The following RYR3 variants were observed in gnomAD, a reference collection of about 807,000 sequenced individuals.
RYR3 encodes the protein brain ryanodine receptor-calcium release channel.
In RYR3, 207 loss-of-function variants were observed where a neutral mutation model predicts 584.3. The observed-to-expected ratio is 0.35, with a 90% CI of 0.32 to 0.40. The LOEUF (loss-of-function observed/expected upper bound fraction) is 0.40, where lower values mean the gene tolerates loss of function less well. Among genes scored for constraint, RYR3 ranks in the 10% least tolerant of loss-of-function variants. The pLI, the probability that RYR3 is intolerant of heterozygous loss-of-function variation, is 1.00. For synonymous variants in RYR3, 2,416 were observed against 2,248.5 expected (o/e 1.07, Z -2.11); for missense variants, 5,616 against 6,089.2 (o/e 0.92, Z 2.59).
chr15:33,743,017 A>G (rs570403907), intron 52 of RYR3, among the ~76,000 whole-genome samples: 5 of 152,162 alleles, frequency 3.3e-5, no homozygotes, highest in Non-Finnish European at 5.9e-5. Context: ...TCAACCCTTT[A>G]ACACTGGCAG....
intron 15 of RYR3, among the ~76,000 whole-genome samples, 165 bp downstream of exon 15, chr15:33,584,655 C>T (rs191259276): frequency 3.9e-5 from 6 of 152,104 alleles, no homozygotes; most frequent in East Asian, 1.9e-4. Flanking sequence ...GGCACCTGTA[C>T]GACTTTATTT....
intron 10 of RYR3, among the ~76,000 whole-genome samples, chr15:33,557,876 A>G (rs2057168433): frequency 1.3e-5 from 2 of 152,226 alleles, no homozygotes; most frequent in Admixed American, 1.3e-4. Flanking sequence ...TTGGAGGCAG[A>G]GGATAATGAT....
In RYR3 at chr15:33,482,080, T is replaced by C. The variant is rs527345828; in HGVS notation, c.171+8542T>C. On this transcript the variant is annotated intron_variant, in intron 2 of 103. Coordinates refer to ENST00000634891, the MANE Select transcript of RYR3 (RefSeq NM_001036.6). ...TCCAGATTTCTATCTGGTAGCATTT[T>C]CCTTCAACCTGAAGGATATTCCTTA... is the stretch of plus-strand genomic sequence containing the variant. Among the ~76,000 whole-genome samples the C allele has an allele frequency of 3.9e-5, 6 of 152,268 alleles. No homozygotes were observed. The East Asian group carries it at 1.2e-3, about 29-fold the overall frequency.
chr15:33,501,366 G>A (rs748707098), intron 2 of RYR3, among the ~76,000 whole-genome samples: 2 of 152,210 alleles, frequency 1.3e-5, no homozygotes, highest in South Asian at 2.1e-4. Context: ...ATGATGTCAT[G>A]TAAGGGCAGA....
At chr15:33,813,622 G>A in intron 74 of RYR3, 43 bp downstream of exon 74, 1 of 1,436,156 alleles carries the variant, frequency 7.0e-7, no homozygotes, top group Non-Finnish European at 9.8e-7. Context: ...GCCAGCGATG[G>A]GAATGGAGGT....
intron 43 of RYR3, among the ~76,000 whole-genome samples, chr15:33,712,193 C>G (rs1054876221): frequency 3.3e-5 from 5 of 152,174 alleles, no homozygotes; most frequent in African/African-American, 1.2e-4. Flanking sequence ...TAAGAACTCA[C>G]TGTTGTGAAG....
intron 26 of RYR3, 87 bp downstream of exon 26, chr15:33,635,906 T>C: frequency 7.6e-6 from 9 of 1,185,494 alleles, no homozygotes; most frequent in Non-Finnish European, 1.1e-5. Context: ...TTACTGGATC[T>C]CTGGCTTCAA....
At chr15:33,631,157 G>T in intron 22 of RYR3, 53 bp from the exon 23 acceptor site, 1 of 1,111,642 alleles carries the variant, frequency 9.0e-7, no homozygotes, top group African/African-American at 1.6e-5. Flanking sequence ...TAGGGTTCCT[G>T]CTGTTCCTAA....
chr15:33,384,462 T>C (rs1480226588), intron 1 of RYR3, among the ~76,000 whole-genome samples: 2 of 130,842 alleles, frequency 1.5e-5, no homozygotes, highest in African/African-American at 5.6e-5. Flanking sequence ...ATTATAATAT[T>C]ATATTATAAT....
At chr15:33,756,970 T>C (rs2071901696) in intron 59 of RYR3, among the ~76,000 whole-genome samples, 1 of 152,116 alleles carries the variant, frequency 6.6e-6, no homozygotes, top group Admixed American at 6.5e-5. Flanking sequence ...CCTGGGTGGC[T>C]CTCTATCCAG....
At chr15:33,635,493 G>A (rs1465721313) in intron 25 of RYR3, 121 bp from the exon 26 acceptor site, 2 of 712,466 alleles carry the variant, frequency 2.8e-6, no homozygotes, top group Admixed American at 2.1e-5. Context: ...GATAGTAGTC[G>A]ACCTATGGTC....
intron 1 of RYR3, among the ~76,000 whole-genome samples, chr15:33,315,718 T>C: frequency 6.6e-6 from 1 of 152,122 alleles, no homozygotes; most frequent in Non-Finnish European, 1.5e-5. Context: ...GGAGGCTGGA[T>C]CCTTTTTTCC....
At chr15:33,835,907 T>C (rs1017326219) in intron 87 of RYR3, among the ~76,000 whole-genome samples, 2 of 152,190 alleles carry the variant, frequency 1.3e-5, no homozygotes, top group African/African-American at 4.8e-5. Flanking sequence ...CAGTGACTTT[T>C]GGAAAGCCAC....
chr15:33,842,085 C>G (rs201904346), intron 91 of RYR3, 50 bp downstream of exon 91: 90 of 1,552,228 alleles, frequency 5.8e-5, no homozygotes, highest in Middle Eastern at 4.4e-4. Context: ...TTGGCCCAGG[C>G]AGATGGCAGA....
chr15:33,635,005 A>G (rs950108252), intron 25 of RYR3, among the ~76,000 whole-genome samples: 1 of 152,232 alleles, frequency 6.6e-6, no homozygotes, highest in Admixed American at 6.5e-5. Context: ...TGAGCTTTTC[A>G]GAATACCTGA....
intron 46 of RYR3, among the ~76,000 whole-genome samples, chr15:33,727,058 G>A (rs1447041759): frequency 2.0e-5 from 3 of 152,314 alleles, no homozygotes; most frequent in South Asian, 2.1e-4. Context: ...TGGGACAAGC[G>A]AAAGCTCTCA....
chr15:33,568,461 A>T (rs1396410398), intron 12 of RYR3, among the ~76,000 whole-genome samples: 1 of 151,998 alleles, frequency 6.6e-6, no homozygotes, highest in East Asian at 1.9e-4. Context: ...CAGTTCCGTG[A>T]GACTTTATTT....
In RYR3 at chr15:33,748,071, G is replaced by A. The variant is rs188619192; in HGVS notation, c.7990-43G>A. ...GCGGAGATGGGCCAGGGAGAATGCT[G>A]GGGTGTGTTCTGCAAAGTGCTTCTG... On this transcript the variant is annotated intron_variant, in intron 53 of 103. Transcript: ENST00000634891. 17 of 1,602,790 alleles carry A rather than the reference G, an allele frequency of 1.1e-5. No homozygotes were observed. In the East Asian group the frequency reaches 3.3e-4, roughly 32 times the overall value.
intron 65 of RYR3, among the ~76,000 whole-genome samples, chr15:33,780,658 GATGT>G (rs1014225242): frequency 3.1e-4 from 47 of 152,242 alleles, no homozygotes; most frequent in African/African-American, 1.1e-3. Context: ...TGCACCTGGG[GATGT>G]GACTCCTTTT....
Sources: gnomAD v4.1 joint callset for allele counts (sites outside exome capture counted in the v4.1 genomes callset) on GRCh38, gnomAD v4.1.1 for gene constraint, MANE v1.5 for transcripts, NCBI Gene and HGNC (gene_info 2026-07-23, HGNC 2026-07-21) for gene names.